CELF2: variants seen among roughly 807,000 people sequenced by gnomAD.
The protein encoded by CELF2 is CUG triplet repeat RNA-binding protein 2.
In CELF2, 8 loss-of-function variants were observed where a neutral mutation model predicts 62.6. The ratio of observed to expected loss-of-function variants is 0.13; its 90% CI spans 0.07 to 0.23. The LOEUF (loss-of-function observed/expected upper bound fraction) is 0.23. CELF2 is among the 10% of genes least tolerant of loss of function. The pLI, the probability that CELF2 is intolerant of heterozygous loss-of-function variation, is 1.00. For synonymous variants in CELF2, 258 were observed against 250.0 expected, an observed-to-expected ratio of 1.03 and a Z score of -0.30; for missense variants, 333 against 671.0, an observed-to-expected ratio of 0.50 and a Z score of 5.56.
the CELF2 span, among the ~76,000 whole-genome samples, chr10:10,622,310 A>T: frequency 6.6e-6 from 1 of 152,106 alleles, no homozygotes; most frequent in African/African-American, 2.4e-5. Context: ...AGTGATTCTT[A>T]TAAGATGCCA....
intron 1 of CELF2, among the ~76,000 whole-genome samples, chr10:11,130,593 A>G (rs2059468230): frequency 6.6e-6 from 1 of 152,218 alleles, no homozygotes; most frequent in Non-Finnish European, 1.5e-5. Flanking sequence ...TAAAGTGTAG[A>G]TGTTTTTCCC....
At chr10:10,697,436 G>C in the CELF2 span, among the ~76,000 whole-genome samples, 1 of 152,294 alleles carries the variant, frequency 6.6e-6, no homozygotes, top group South Asian at 2.1e-4. Context: ...GAAGCTGGAC[G>C]GAGACCAGTC....
intron 1 of CELF2, among the ~76,000 whole-genome samples, chr10:11,047,619 T>A (rs2063099714): frequency 6.6e-6 from 1 of 152,178 alleles, no homozygotes. Context: ...AAAGCTGCTC[T>A]TTTCTGTGTA....
chr10:10,626,952 T>C, the CELF2 span, among the ~76,000 whole-genome samples: 17 of 152,330 alleles, frequency 1.1e-4, no homozygotes, highest in Admixed American at 3.9e-4. Context: ...CCATGAGGCT[T>C]TGTGAAATAA....
chr10:10,775,874 G>T, the CELF2 span, among the ~76,000 whole-genome samples: 1 of 152,202 alleles, frequency 6.6e-6, no homozygotes, highest in South Asian at 2.1e-4. Flanking sequence ...CTAACACGAT[G>T]CCCTTTCATT....
At chr10:10,690,927 A>C in the CELF2 span, among the ~76,000 whole-genome samples, 1 of 152,256 alleles carries the variant, frequency 6.6e-6, no homozygotes, top group Non-Finnish European at 1.5e-5. Flanking sequence ...TTATGTCCTC[A>C]AGGAACTTAT....
At chr10:10,719,300 C>T in the CELF2 span, among the ~76,000 whole-genome samples, 1 of 152,028 alleles carries the variant, frequency 6.6e-6, no homozygotes, top group African/African-American at 2.4e-5. Flanking sequence ...ACTCTATGGC[C>T]CAAGCTGGAG....
chr10:11,084,953 T>C (rs1165515851), intron 1 of CELF2, among the ~76,000 whole-genome samples: 1 of 152,192 alleles, frequency 6.6e-6, no homozygotes, highest in Non-Finnish European at 1.5e-5. Context: ...AAAGTATCCT[T>C]TTGGGATGTT....
the CELF2 span, among the ~76,000 whole-genome samples, chr10:10,720,609 G>C: frequency 1.3e-5 from 2 of 152,102 alleles, no homozygotes; most frequent in African/African-American, 4.8e-5. Flanking sequence ...AGCCTATAGC[G>C]AACGCTGACA....
intron 1 of CELF2, among the ~76,000 whole-genome samples, chr10:10,878,936 C>G (rs113702921): frequency 0.011 from 1,648 of 152,212 alleles, 11 homozygotes; most frequent in Non-Finnish European, 0.017. Flanking sequence ...GATGCATTGT[C>G]TATAAAATTA....
the CELF2 span, among the ~76,000 whole-genome samples, chr10:10,601,892 A>G: frequency 6.6e-6 from 1 of 150,918 alleles, no homozygotes; most frequent in African/African-American, 2.4e-5. Flanking sequence ...CCCTCCCCAA[A>G]CCCCACCCCT....
At chr10:11,070,395 T>G (rs1426267768) in intron 1 of CELF2, among the ~76,000 whole-genome samples, 1 of 152,180 alleles carries the variant, frequency 6.6e-6, no homozygotes, top group Non-Finnish European at 1.5e-5. Flanking sequence ...TCCCCGATTC[T>G]AAGAACAAGG....
intron 1 of CELF2, among the ~76,000 whole-genome samples, chr10:11,069,210 A>G (rs2069020483): frequency 6.6e-6 from 1 of 152,176 alleles, no homozygotes; most frequent in African/African-American, 2.4e-5. Flanking sequence ...GTTTTTATGT[A>G]AATTAAAAAA....
chr10:10,476,098 G>A, the CELF2 span, among the ~76,000 whole-genome samples: 1 of 152,038 alleles, frequency 6.6e-6, no homozygotes. Flanking sequence ...AGGAGTAATT[G>A]ACAGATATTC....
chr10:10,538,092 G>A, the CELF2 span, among the ~76,000 whole-genome samples: 1 of 152,258 alleles, frequency 6.6e-6, no homozygotes, highest in Middle Eastern at 3.4e-3. Flanking sequence ...TCACCCTCAG[G>A]CATAAAGGGG....
intron 1 of CELF2, among the ~76,000 whole-genome samples, chr10:11,141,679 T>A (rs2061374634): frequency 6.6e-6 from 1 of 152,218 alleles, no homozygotes; most frequent in South Asian, 2.1e-4. Flanking sequence ...GACTAATCAA[T>A]CATTGCATGT....
the CELF2 span, among the ~76,000 whole-genome samples, chr10:10,730,401 C>T: frequency 9.2e-5 from 14 of 151,986 alleles, no homozygotes; most frequent in Non-Finnish European, 1.6e-4. Flanking sequence ...CGCTTGAACC[C>T]GGGAGGCAGA....
chr10:10,974,782 C>T (rs1045309036), intron 2 of CELF2, among the ~76,000 whole-genome samples: 5 of 152,190 alleles, frequency 3.3e-5, no homozygotes, highest in African/African-American at 9.7e-5. Flanking sequence ...ACACATTGAG[C>T]CCTGCCTGGT....
At chr10:10,739,792 T>C in the CELF2 span, among the ~76,000 whole-genome samples, 3 of 152,116 alleles carry the variant, frequency 2.0e-5, no homozygotes, top group South Asian at 2.1e-4. Flanking sequence ...ACCCTAACAG[T>C]TGTGAGGTGG....
Sources: allele counts gnomAD v4.1 joint callset (sites outside exome capture counted in the v4.1 genomes callset), GRCh38; gene constraint gnomAD v4.1.1; transcripts MANE v1.5; gene names NCBI Gene and HGNC (gene_info 2026-07-23, HGNC 2026-07-21).